The following SYNJ2 variants were observed in gnomAD, a reference collection of about 807,000 sequenced individuals.
The protein encoded by SYNJ2 is polyphosphatidylinositol phosphatase SYNJ2.
SYNJ2 carries 116 observed loss-of-function variants against 141.3 expected under a neutral mutation model. The ratio of observed to expected loss-of-function variants is 0.82; its 90% CI spans 0.71 to 0.96. The LOEUF is 0.96. Among genes scored for constraint, SYNJ2 ranks in the 40% least tolerant of loss-of-function variants. The pLI is 0.00. For synonymous variants in SYNJ2, 745 were observed against 777.7 expected (o/e 0.96, Z 0.70); for missense variants, 1,873 against 1,934.8 (o/e 0.97, Z 0.60).
At chr6:157,990,046 C>T (rs1271709934) in intron 1 of SYNJ2, among the ~76,000 whole-genome samples, 1 of 152,218 alleles carries the variant, frequency 6.6e-6, no homozygotes, top group East Asian at 1.9e-4. Flanking sequence ...GTCCTGTGGG[C>T]TGCGCCGTCT....
Position 158,081,155 on chromosome 6 carries a change from G to A in SYNJ2, c.2614G>A (p.Gly872Ser). Residue 872 changes from glycine (G) to serine (S), a missense_variant, in exon 19 of 27, where the codon GGT becomes AGT. Coordinates refer to ENST00000355585, the MANE Select transcript of SYNJ2 (RefSeq NM_003898.4). ...VEVEVQEVDVGARERVFQEVS... is the reference protein window; with the variant it reads ...VEVEVQEVDVSARERVFQEVS... Reference sequence around the variant, plus strand: ...GGTGGAAGTTCAGGAAGTCGATGTGGGTGCTCGGGAGAGGGTTTTCCAGGA... The same window carrying A: ...GGTGGAAGTTCAGGAAGTCGATGTGAGTGCTCGGGAGAGGGTTTTCCAGGA... 1 of 1,614,040 alleles carries A rather than the reference G, an allele frequency of 6.2e-7. No homozygotes were observed.
At chr6:158,017,040 C>T (rs769177721) in intron 1 of SYNJ2, 164 bp from the exon 2 acceptor site, 10 of 1,336,214 alleles carry the variant, frequency 7.5e-6, no homozygotes, top group East Asian at 2.8e-5. Flanking sequence ...CTCTGTGATT[C>T]GCGAATCATA....
At chr6:158,054,494 G>A (rs900697792) in intron 5 of SYNJ2, among the ~76,000 whole-genome samples, 1 of 152,208 alleles carries the variant, frequency 6.6e-6, no homozygotes, top group African/African-American at 2.4e-5. Flanking sequence ...AAACTAAGTT[G>A]AGTATTAAAT....
chr6:157,985,828 A>G (rs1011631675), intron 1 of SYNJ2, among the ~76,000 whole-genome samples: 4 of 151,566 alleles, frequency 2.6e-5, no homozygotes, highest in Non-Finnish European at 5.9e-5. Context: ...GGAGGGAGGG[A>G]TGGGGCAGGA....
chr6:158,027,030 C>T lies in SYNJ2; in HGVS notation c.215-1726C>T. The T allele has an allele frequency of 2.0e-6, 2 of 985,406 alleles. No homozygotes were observed. The highest frequency in any genetic ancestry group is 2.4e-6 in the Non-Finnish European group (2 of 829,926). 61.0% of individuals were successfully genotyped at this position (985,406 alleles called of 1,614,324 possible). On this transcript the variant is annotated intron_variant, in intron 2 of 26. Coordinates refer to ENST00000355585, the MANE Select transcript of SYNJ2 (RefSeq NM_003898.4). The surrounding 1 kb of genome is among the most constrained non-coding windows in gnomAD (Gnocchi z 4.6). The stretch of plus-strand genomic sequence containing the variant: ...GGGGAGATGTGATGGGATCAACCCC[C>T]TGCCCTGCTGGCAGCCCCACCCCAT...
intron 1 of SYNJ2, among the ~76,000 whole-genome samples, chr6:157,988,695 G>T (rs190112054): frequency 6.6e-6 from 1 of 152,342 alleles, no homozygotes; most frequent in Admixed American, 6.5e-5. Context: ...TGTCCTTAAA[G>T]CCATGGGTAA....
chr6:158,064,771 CA>C, intron 10 of SYNJ2, 21 bp downstream of exon 10: 1 of 1,612,512 alleles, frequency 6.2e-7, no homozygotes, highest in Non-Finnish European at 8.5e-7. Context: ...GCCGAGGGGG[CA>C]GGGTGGGGGC....
At chr6:158,063,711 G>A in intron 8 of SYNJ2, 80 bp from the exon 9 acceptor site, 11 of 484,844 alleles carry the variant, frequency 2.3e-5, no homozygotes, top group East Asian at 5.1e-5. Flanking sequence ...GGAGTCAAAA[G>A]TCAGACATGG....
intron 20 of SYNJ2, among the ~76,000 whole-genome samples, chr6:158,082,289 C>T (rs1782742638): frequency 6.6e-6 from 1 of 151,930 alleles, no homozygotes; most frequent in Non-Finnish European, 1.5e-5. Context: ...GATTTCGAGA[C>T]CAGCCTGGCC....
intron 1 of SYNJ2, among the ~76,000 whole-genome samples, chr6:157,993,537 A>C (rs963914979): frequency 2.0e-5 from 3 of 151,892 alleles, no homozygotes; most frequent in African/African-American, 4.8e-5. Flanking sequence ...TTTTTAACTT[A>C]ATATGATCTC....
intron 6 of SYNJ2, among the ~76,000 whole-genome samples, chr6:158,055,583 T>G (rs551186325): frequency 3.9e-5 from 6 of 152,144 alleles, no homozygotes; most frequent in Admixed American, 1.3e-4. Context: ...GTTTTGCAGC[T>G]TGCTTAAGAA....
rs1249254535 is a variant in SYNJ2, at chr6:158,074,691, A to G, written c.2245A>G (p.Lys749Glu). 1.2e-6 allele frequency: 2 copies of G among 1,614,032 alleles called. No individual in the cohort carries two copies. The highest frequency in any genetic ancestry group is 2.2e-5 in the South Asian group (2 of 90,990). ...FYFVKRQDWK[K>E]LLEFDQLQLQ... ...TTTTGTTAAACGCCAAGACTGGAAG[A>G]AACTTCTGGAATTTGATCAACTACA... The change falls in exon 16 of 27, where the codon AAA (lysine) becomes GAA (glutamate). Residue 749 changes from lysine (K) to glutamate (E), a missense_variant. Coordinates refer to ENST00000355585, the MANE Select transcript of SYNJ2 (RefSeq NM_003898.4).
intron 26 of SYNJ2, among the ~76,000 whole-genome samples, chr6:158,094,818 G>C (rs1307371284): frequency 2.0e-5 from 3 of 152,244 alleles, no homozygotes; most frequent in Admixed American, 6.5e-5. Context: ...CCAAGGCAGT[G>C]TCAAGGTTTC....
At position 158,002,737 on chromosome 6, in the gene SYNJ2, G is replaced by C. The variant is rs183530407; in HGVS notation, c.128-14467G>C. 2.4e-3 allele frequency among the ~76,000 whole-genome samples: 363 copies of C among 152,330 alleles called. 2 individuals are homozygous for C. Among genetic ancestry groups the C allele is most frequent in the African/African-American group, 8.1e-3 (335 of 41,574 alleles). On this transcript the variant is annotated intron_variant, in intron 1 of 26. Coordinates refer to ENST00000355585, the MANE Select transcript of SYNJ2 (RefSeq NM_003898.4). ...TTCTTTCTTGTTCCCTGTTGGGTAG[G>C]AGGGTTGGGGCTACCAGGCCCAGTG...
rs117096604 is a variant in SYNJ2, at chr6:157,988,166, C to T, written c.127+6078C>T. On this transcript the variant is annotated intron_variant, in intron 1 of 26. Transcript: ENST00000355585. ...TGCAGCCGTATGTCCACCCCAGGCC[C>T]GGGCGTTGGGGTGGCAAGGGCATGT... Among the ~76,000 whole-genome samples, 21 of 152,348 alleles carry T rather than the reference C, an allele frequency of 1.4e-4. No individual in the cohort carries two copies. The East Asian group carries it at 3.1e-3, about 22-fold the overall frequency.
At position 158,005,848 on chromosome 6, in the gene SYNJ2, G is replaced by A. The variant is rs1778049700; in HGVS notation, c.128-11356G>A. The stretch of plus-strand genomic sequence containing the variant: ...AGCCACTGGAAGAGAATTCCCGCTG[G>A]CTCCCTGCACCACCACTACCCGCCC... On this transcript the variant is annotated intron_variant, in intron 1 of 26. Coordinates refer to ENST00000355585, the MANE Select transcript of SYNJ2 (RefSeq NM_003898.4). 1.3e-5 allele frequency among the ~76,000 whole-genome samples: 2 copies of A among 151,998 alleles called. 1 individual carries two copies. The highest frequency in any genetic ancestry group is 4.1e-4 in the South Asian group (2 of 4,820).
intron 2 of SYNJ2, among the ~76,000 whole-genome samples, chr6:158,024,219 G>T (rs1244485547): frequency 4.6e-5 from 7 of 152,172 alleles, no homozygotes; most frequent in African/African-American, 1.7e-4. Context: ...GAGGTCAGGA[G>T]TTCTAGACCA....
Position 157,993,797 on chromosome 6 carries a change from G to GTTTTTTTT in SYNJ2, c.127+11737_127+11744dup, listed in dbSNP as rs61529071. Among the ~76,000 whole-genome samples the GTTTTTTTT allele has an allele frequency of 1.9e-4, 9 of 47,944 alleles. 2 individuals carry two copies. Among genetic ancestry groups the GTTTTTTTT allele is most frequent in the Admixed American group, 7.8e-4 (2 of 2,560 alleles). 31.5% of individuals were successfully genotyped at this position (47,944 alleles called of 152,430 possible). A position where few individuals can be genotyped will look rare whatever the true frequency, so the allele number is the denominator to read the frequency against. ...AGTTTGTGTGTCTGGAAATGTGTGGGTTTTTTTTTTTTTTTTTTTTTTTTT... is the reference window on the plus strand; with the variant it reads ...AGTTTGTGTGTCTGGAAATGTGTGGGTTTTTTTTTTTTTTTTTTTTTTTTTTTTTTTTT... On this transcript the variant is annotated intron_variant, in intron 1 of 26. Coordinates refer to ENST00000355585, the MANE Select transcript of SYNJ2 (RefSeq NM_003898.4).
intron 1 of SYNJ2, among the ~76,000 whole-genome samples, chr6:157,995,993 A>G (rs1777618565): frequency 6.6e-6 from 1 of 152,236 alleles, no homozygotes; most frequent in South Asian, 2.1e-4. Context: ...GGGAACATCA[A>G]CACTATAGAG....
Sources: allele counts gnomAD v4.1 joint callset (sites outside exome capture counted in the v4.1 genomes callset), GRCh38; gene constraint gnomAD v4.1.1; non-coding constraint Gnocchi (gnomAD v3.1); transcripts MANE v1.5; gene names NCBI Gene and HGNC (gene_info 2026-07-23, HGNC 2026-07-21).